SHANK2: variants seen among roughly 807,000 people sequenced by gnomAD.
SHANK2 encodes the protein SH3 and multiple ankyrin repeat domains protein 2.
Under a neutral mutation model 133.7 loss-of-function variants are expected in SHANK2, and 43 were observed. That is an observed-to-expected ratio of 0.32 (90% CI 0.25 to 0.41). SHANK2 has a LOEUF of 0.41. Ranked by LOEUF, SHANK2 falls within the 10% of genes least tolerant of loss-of-function variation. SHANK2 has a pLI of 1.00. For synonymous variants in SHANK2, 1,017 were observed against 952.8 expected (o/e 1.07, Z -1.24); for missense variants, 1,994 against 2,235.8 (o/e 0.89, Z 2.18).
chr11:70,552,737 C>T (rs1385230640), intron 17 of SHANK2, among the ~76,000 whole-genome samples: 6 of 152,270 alleles, frequency 3.9e-5, no homozygotes, highest in African/African-American at 9.6e-5. Flanking sequence ...AGGGAGTCAC[C>T]GTGTCCAGCT....
intron 11 of SHANK2, among the ~76,000 whole-genome samples, chr11:70,853,508 C>CA (rs1949122978): frequency 6.6e-6 from 1 of 152,160 alleles, no homozygotes; most frequent in Non-Finnish European, 1.5e-5. Context: ...TCTTTATGGC[C>CA]AGGGGGGATG....
At chr11:71,239,742 TG>T (rs2135801374) in intron 1 of SHANK2, among the ~76,000 whole-genome samples, 1 of 152,344 alleles carries the variant, frequency 6.6e-6, no homozygotes, top group South Asian at 2.1e-4. Flanking sequence ...CCCAGGGTGC[TG>T]GGACTACAGG....
intron 12 of SHANK2, among the ~76,000 whole-genome samples, chr11:70,815,643 C>T (rs1020111440): frequency 6.6e-6 from 1 of 152,168 alleles, no homozygotes; most frequent in Non-Finnish European, 1.5e-5. Context: ...TTGGCACCTC[C>T]ATGCAGGAAG....
intron 14 of SHANK2, among the ~76,000 whole-genome samples, chr11:70,730,045 T>C (rs1591793705): frequency 6.6e-6 from 1 of 152,062 alleles, no homozygotes; most frequent in Non-Finnish European, 1.5e-5. Flanking sequence ...ATACCTACCA[T>C]TGCAGATGTG....
intron 1 of SHANK2, among the ~76,000 whole-genome samples, chr11:71,226,272 T>C (rs1222030451): frequency 3.3e-5 from 5 of 152,094 alleles, no homozygotes; most frequent in East Asian, 1.9e-4. Flanking sequence ...AACTGAACAA[T>C]AGAGTGAAAC....
chr11:70,814,980 C>A (rs1948358375), intron 12 of SHANK2, among the ~76,000 whole-genome samples: 1 of 152,194 alleles, frequency 6.6e-6, no homozygotes, highest in South Asian at 2.1e-4. Flanking sequence ...GCCCCCACCC[C>A]ACACACTCCC....
chr11:70,953,100 C>A (rs1950869052), intron 10 of SHANK2, among the ~76,000 whole-genome samples: 1 of 152,050 alleles, frequency 6.6e-6, no homozygotes, highest in Non-Finnish European at 1.5e-5. Flanking sequence ...CGCTGGCTTA[C>A]CCAGTGCTAC....
chr11:71,068,710 C>A (rs972884224), intron 9 of SHANK2, among the ~76,000 whole-genome samples: 17 of 152,338 alleles, frequency 1.1e-4, no homozygotes, highest in South Asian at 1.0e-3. Flanking sequence ...GGAAGCCTGG[C>A]AGCTGTACTA....
chr11:70,659,919 G>T lies in SHANK2; in HGVS notation c.1970C>A (p.Pro657Gln), dbSNP rs782738905. Residue 657 changes from proline (P) to glutamine (Q), a missense_variant, in exon 17 of 26, where the codon CCG becomes CAG. Pro to Gln is a moderately conservative substitution (Grantham distance 76). Transcript: ENST00000601538. The part of the protein sequence containing the change: ...DTPIEEFTPT[P>Q]AFPALQYLES... ...CAGGTACTGTAGGGCTGGGAAAGCC[G>T]GTGTTGGTGTGAATTCTTCAATGGG... is the stretch of plus-strand genomic sequence containing the variant. 3.1e-6 allele frequency: 5 copies of T among 1,614,190 alleles called. No homozygotes were observed. Among genetic ancestry groups the T allele is most frequent in the Non-Finnish European group, 4.2e-6 (5 of 1,180,024 alleles).
chr11:70,564,462 G>A lies in SHANK2; in HGVS notation c.2062-61531C>T, dbSNP rs901738575. Among the ~76,000 whole-genome samples the A allele has an allele frequency of 2.0e-5, 3 of 151,958 alleles. 1 individual carries two copies. Among genetic ancestry groups the A allele is most frequent in the African/African-American group, 7.3e-5 (3 of 41,358 alleles). On this transcript the variant is annotated intron_variant, in intron 17 of 25. Coordinates refer to ENST00000601538, the MANE Select transcript of SHANK2 (RefSeq NM_012309.5). ...TTTAGTAGAGATGGGGTTTCACCGT[G>A]TTGGCCAGGCTGGTCTCGAACTCCT...
At chr11:70,661,991 G>C (rs1424498592) in intron 15 of SHANK2, 10 of 616,202 alleles carry the variant, frequency 1.6e-5, no homozygotes, top group Non-Finnish European at 2.0e-5. Flanking sequence ...AGGCTCAAGG[G>C]GGGCTGGCCA....
intron 1 of SHANK2, among the ~76,000 whole-genome samples, chr11:71,241,515 A>C (rs1387790451): frequency 6.6e-6 from 1 of 152,188 alleles, no homozygotes; most frequent in Non-Finnish European, 1.5e-5. Flanking sequence ...CCTGCGTTTA[A>C]GATCATGAGG....
chr11:70,798,908 T>C (rs1049866747), intron 13 of SHANK2, among the ~76,000 whole-genome samples: 2 of 152,094 alleles, frequency 1.3e-5, no homozygotes, highest in Non-Finnish European at 2.9e-5. Flanking sequence ...ACAGTGGTGC[T>C]TGGCTGTCCT....
At chr11:70,532,568 C>A (rs569943202) in intron 17 of SHANK2, among the ~76,000 whole-genome samples, 2 of 152,020 alleles carry the variant, frequency 1.3e-5, no homozygotes, top group East Asian at 3.9e-4. Context: ...GAAAGAGGCC[C>A]AGAGCCCCTC....
At chr11:70,770,618 C>A (rs191750866) in intron 14 of SHANK2, among the ~76,000 whole-genome samples, 31 of 152,306 alleles carry the variant, frequency 2.0e-4, no homozygotes, top group African/African-American at 7.2e-4. Context: ...ATCCAATGGA[C>A]GGCTCTGGGA....
intron 2 of SHANK2, among the ~76,000 whole-genome samples, chr11:71,180,677 C>T (rs1555113642): frequency 6.6e-6 from 1 of 152,124 alleles, no homozygotes; most frequent in Non-Finnish European, 1.5e-5. Context: ...ACAAACCTGT[C>T]AATCCACGTA....
intron 1 of SHANK2, among the ~76,000 whole-genome samples, chr11:71,228,970 T>G (rs1954690081): frequency 6.6e-6 from 1 of 152,098 alleles, no homozygotes; most frequent in South Asian, 2.1e-4. Context: ...ATCAATGTAA[T>G]CTACTATTAT....
intron 11 of SHANK2, chr11:70,826,608 C>T (rs782006085): frequency 4.4e-6 from 2 of 459,252 alleles, no homozygotes; most frequent in African/African-American, 4.0e-5. Context: ...AGCTGGGACC[C>T]GGGGAGAGGT....
At chr11:70,681,467 GTA>G (rs1220429708) in intron 15 of SHANK2, among the ~76,000 whole-genome samples, 1 of 152,094 alleles carries the variant, frequency 6.6e-6, no homozygotes, top group Admixed American at 6.5e-5. Context: ...GCCCCCTGGG[GTA>G]TCTCCTCAAA....
Sources: allele counts gnomAD v4.1 joint callset (sites outside exome capture counted in the v4.1 genomes callset), GRCh38; gene constraint gnomAD v4.1.1; transcripts MANE v1.5; gene names NCBI Gene and HGNC (gene_info 2026-07-23, HGNC 2026-07-21).